CPEB1: variants seen among roughly 807,000 people sequenced by gnomAD.
The protein encoded by CPEB1 is cytoplasmic polyadenylation element binding protein 1, also known as cytoplasmic polyadenylation element-binding protein 1.
In CPEB1, 7 loss-of-function variants were observed where a neutral mutation model predicts 65.8. That is an observed-to-expected ratio of 0.11 (90% CI 0.06 to 0.20). The LOEUF (loss-of-function observed/expected upper bound fraction) is 0.20, where lower values mean the gene tolerates loss of function less well. Ranked by LOEUF, CPEB1 falls within the 10% of genes least tolerant of loss-of-function variation. The probability of loss-of-function intolerance (pLI) is 1.00; values close to 1 mark genes in which losing one functional copy is unlikely to be tolerated. For synonymous variants in CPEB1, 262 were observed against 260.0 expected, an observed-to-expected ratio of 1.01 and a Z score of -0.08; for missense variants, 551 against 712.2, an observed-to-expected ratio of 0.77 and a Z score of 2.58.
chr15:82,623,135 G>A (rs1160484680), intron 3 of CPEB1, among the ~76,000 whole-genome samples: 1 of 152,168 alleles, frequency 6.6e-6, no homozygotes, highest in African/African-American at 2.4e-5. Flanking sequence ...TCAACATCCA[G>A]TTAAGACTAA....
At chr15:82,618,699 AAAAC>A (rs568877454) in intron 3 of CPEB1, among the ~76,000 whole-genome samples, 2 of 152,246 alleles carry the variant, frequency 1.3e-5, no homozygotes, top group Admixed American at 6.5e-5. Flanking sequence ...ATGGCACTAA[AAAAC>A]AAACAAACAA....
intron 1 of CPEB1, among the ~76,000 whole-genome samples, chr15:82,644,337 ACAT>A (rs2151394875): frequency 6.6e-6 from 1 of 152,290 alleles, no homozygotes; most frequent in South Asian, 2.1e-4. Context: ...AACAGAACAC[ACAT>A]AATAGGCTGG....
chr15:82,543,469 A>ATT lies in CPEB1; in HGVS notation c.*1122_*1123insAA, dbSNP rs1567159577. 8.0e-5 allele frequency: 12 copies of ATT among 150,814 alleles called. No homozygotes were observed. Among genetic ancestry groups the ATT allele is most frequent in the Non-Finnish European group, 1.5e-4 (10 of 67,684 alleles). The allele number at this position is 150,814 out of a possible 1,614,324, so 9.3% of individuals were successfully genotyped here. The stretch of plus-strand genomic sequence containing the variant: ...GGTTTTTTGTTTCTTTTTAAAAAAA[A>ATT]AAAAAAAAAAAAAAAGGAAAGAAAA... On this transcript the variant is annotated 3_prime_UTR_variant, in exon 13 of 13. Transcript: ENST00000684509.
chr15:82,619,954 T>C (rs540632013), intron 3 of CPEB1, among the ~76,000 whole-genome samples: 7 of 152,070 alleles, frequency 4.6e-5, no homozygotes, highest in South Asian at 2.1e-4. Context: ...CAAAAGATAA[T>C]AGCAGCACTA....
rs569766776 is a variant in CPEB1, at chr15:82,592,544, C to T, written c.272-21012G>A. Among the ~76,000 whole-genome samples, 67 of 149,006 alleles carry T rather than the reference C, an allele frequency of 4.5e-4. 1 individual carries two copies. The highest frequency in any genetic ancestry group is 1.5e-3 in the African/African-American group (62 of 40,152). ...AGTGAGCCAAGATTACACTACTGCA[C>T]TCCAGCCTGGATGACAGAGCCAGAT... On this transcript the variant is annotated intron_variant, in intron 3 of 12. Coordinates refer to ENST00000684509, the MANE Select transcript of CPEB1 (RefSeq NM_001365242.1).
At chr15:82,556,436 G>T in intron 5 of CPEB1, 1 of 200,264 alleles carries the variant, frequency 5.0e-6, no homozygotes, top group South Asian at 1.3e-4. Flanking sequence ...TACTTTCCAA[G>T]TTTTCAGAAC....
rs2034639237 is a variant in CPEB1 at position 82,543,470 on chromosome 15, A to ATTTT, written c.*1121_*1122insAAAA. ...GTTTTTTGTTTCTTTTTAAAAAAAA[A>ATTTT]AAAAAAAAAAAAAAGGAAAGAAAAA... On this transcript the variant is annotated 3_prime_UTR_variant, in exon 13 of 13. Transcript: ENST00000684509. 67 of 151,048 alleles carry ATTTT rather than the reference A, an allele frequency of 4.4e-4. No homozygotes were observed. Among genetic ancestry groups the ATTTT allele is most frequent in the African/African-American group, 1.6e-3 (67 of 41,142 alleles). 9.4% of individuals were successfully genotyped at this position (151,048 alleles called of 1,614,324 possible).
intron 1 of CPEB1, among the ~76,000 whole-genome samples, chr15:82,642,333 G>T (rs1474986006): frequency 6.6e-6 from 1 of 152,180 alleles, no homozygotes; most frequent in Non-Finnish European, 1.5e-5. Flanking sequence ...GCAGGAGGAT[G>T]GCTTGAGCCG....
At chr15:82,574,465 C>G (rs2040417829) in intron 3 of CPEB1, among the ~76,000 whole-genome samples, 1 of 152,056 alleles carries the variant, frequency 6.6e-6, no homozygotes, top group African/African-American at 2.4e-5. Context: ...AGTCTGTAAT[C>G]CCAGCACTTT....
At chr15:82,590,074 T>C (rs1046477384) in intron 3 of CPEB1, among the ~76,000 whole-genome samples, 2 of 152,126 alleles carry the variant, frequency 1.3e-5, no homozygotes, top group African/African-American at 2.4e-5. Flanking sequence ...TATTTCTTCA[T>C]AGCTTTTCTA....
intron 3 of CPEB1, among the ~76,000 whole-genome samples, chr15:82,609,269 G>A (rs1486665775): frequency 6.6e-6 from 1 of 152,136 alleles, no homozygotes; most frequent in Non-Finnish European, 1.5e-5. Flanking sequence ...GGAGGCTGAG[G>A]TAGGAGGATC....
At chr15:82,621,118 CTT>C (rs1201382451) in intron 3 of CPEB1, among the ~76,000 whole-genome samples, 1 of 152,128 alleles carries the variant, frequency 6.6e-6, no homozygotes, top group Non-Finnish European at 1.5e-5. Context: ...ATGTATTAAA[CTT>C]TGTTTTGGAA....
At chr15:82,636,650 C>T (rs866195327) in intron 1 of CPEB1, among the ~76,000 whole-genome samples, 1 of 152,198 alleles carries the variant, frequency 6.6e-6, no homozygotes, top group African/African-American at 2.4e-5. Context: ...ACACTGCTAA[C>T]TGTATGGACT....
intron 9 of CPEB1, among the ~76,000 whole-genome samples, chr15:82,549,936 G>A (rs550034277): frequency 6.6e-6 from 1 of 152,270 alleles, no homozygotes; most frequent in East Asian, 1.9e-4. Flanking sequence ...AGTACCACAT[G>A]GCCAAACCCA....
chr15:82,567,635 CAA>C (rs562699626), intron 4 of CPEB1, among the ~76,000 whole-genome samples: 2 of 140,936 alleles, frequency 1.4e-5, no homozygotes. Flanking sequence ...GACTCCATCT[CAA>C]AAAAAAAAAG....
intron 3 of CPEB1, among the ~76,000 whole-genome samples, chr15:82,582,682 T>C (rs1418737100): frequency 2.0e-5 from 3 of 152,042 alleles, no homozygotes; most frequent in Non-Finnish European, 2.9e-5. Flanking sequence ...GGATCCCTTT[T>C]CTGCACTCAG....
upstream of CPEB1, chr15:82,647,754 G>A (rs1253220944): frequency 5.6e-6 from 6 of 1,062,886 alleles, no homozygotes; most frequent in East Asian, 1.1e-4. Context: ...CGCACGGGGC[G>A]GGGGATGGGG....
At chr15:82,604,554 C>T (rs563621732) in intron 3 of CPEB1, among the ~76,000 whole-genome samples, 2 of 149,938 alleles carry the variant, frequency 1.3e-5, no homozygotes, top group South Asian at 4.2e-4. Context: ...TAATGTCTCA[C>T]CAAATAGAGA....
chr15:82,598,087 A>G (rs2042800527), intron 3 of CPEB1, among the ~76,000 whole-genome samples: 1 of 152,224 alleles, frequency 6.6e-6, no homozygotes, highest in Non-Finnish European at 1.5e-5. Context: ...TTTAGCTACT[A>G]TTACATCTCT....
Sources: gnomAD v4.1 joint callset for allele counts (sites outside exome capture counted in the v4.1 genomes callset) on GRCh38, gnomAD v4.1.1 for gene constraint, MANE v1.5 for transcripts, NCBI Gene and HGNC (gene_info 2026-07-23, HGNC 2026-07-21) for gene names.